The following ZNF479 variants were observed in gnomAD, a reference collection of about 807,000 sequenced individuals.
ZNF479 encodes the protein zinc finger protein 479, also known as KRAB zinc finger protein KR19.
ZNF479 carries 15 observed loss-of-function variants against 14.7 expected under a neutral mutation model. The ratio of observed to expected loss-of-function variants is 1.02; its 90% CI spans 0.68 to 1.57. ZNF479 has a LOEUF of 1.57. Among genes scored for constraint, ZNF479 ranks in the 40% most tolerant of loss-of-function variants. ZNF479 has a pLI of 0.00. For synonymous variants in ZNF479, 145 were observed against 211.5 expected (o/e 0.69, Z 2.73); for missense variants, 506 against 615.1 (o/e 0.82, Z 1.88).
At chr7:57,127,947 T>A (rs1240590072) in intron 1 of ZNF479, among the ~76,000 whole-genome samples, 7 of 149,196 alleles carry the variant, frequency 4.7e-5, no homozygotes, top group African/African-American at 1.7e-4. Flanking sequence ...ATTTTTTTTT[T>A]TTTTTTGAGA....
chr7:57,137,943 T>C (rs1786719232), intron 1 of ZNF479, among the ~76,000 whole-genome samples: 1 of 152,168 alleles, frequency 6.6e-6, no homozygotes, highest in South Asian at 2.1e-4. Flanking sequence ...GGAGGAATGG[T>C]TACATATCAC....
In ZNF479 at chr7:57,117,684, A is replaced by T. The variant is rs1323634848; in HGVS notation, c.*2156T>A. On this transcript the variant is annotated 3_prime_UTR_variant, in exon 4 of 4. Coordinates refer to ENST00000319636, the MANE Select transcript of ZNF479 (RefSeq NM_001370129.2). ...TAAGTTGACACATAATCTTTAAAAAATTTTTAAATTTATTGCATTTTATTA... is the reference window on the plus strand; with the variant it reads ...TAAGTTGACACATAATCTTTAAAAATTTTTTAAATTTATTGCATTTTATTA... Among the ~76,000 whole-genome samples, 4 of 152,382 alleles carry T rather than the reference A, an allele frequency of 2.6e-5. No homozygotes were observed. Among genetic ancestry groups the T allele is most frequent in the African/African-American group, 7.2e-5 (3 of 41,600 alleles).
intron 1 of ZNF479, 33 bp downstream of exon 1, chr7:57,132,253 C>T: frequency 1.9e-6 from 3 of 1,613,950 alleles, no homozygotes; most frequent in Non-Finnish European, 2.5e-6. Context: ...TCAGCCCCCA[C>T]CCCTCTCTCA....
intron 2 of ZNF479, 51 bp downstream of exon 2, chr7:57,126,541 A>T: frequency 6.4e-7 from 1 of 1,554,670 alleles, no homozygotes; most frequent in Non-Finnish European, 8.7e-7. Context: ...AAAACATCTT[A>T]GAAAAGAGAA....
intron 3 of ZNF479, among the ~76,000 whole-genome samples, chr7:57,122,116 G>A (rs1478064155): frequency 6.6e-6 from 1 of 152,050 alleles, no homozygotes; most frequent in East Asian, 1.9e-4. Context: ...AGTTTCAAAA[G>A]TCACAAACCA....
At chr7:57,122,099 T>G (rs1166943660) in intron 3 of ZNF479, among the ~76,000 whole-genome samples, 2 of 151,988 alleles carry the variant, frequency 1.3e-5, no homozygotes, top group African/African-American at 4.8e-5. Flanking sequence ...AACACAAATT[T>G]AAGCAAAGTT....
At chr7:57,129,910 T>G (rs1214302195) in intron 1 of ZNF479, among the ~76,000 whole-genome samples, 2 of 152,104 alleles carry the variant, frequency 1.3e-5, no homozygotes, top group Admixed American at 6.5e-5. Flanking sequence ...ATAATGAAAT[T>G]AAGGCAGAAA....
In ZNF479 at chr7:57,120,800, T is replaced by G. The variant is rs781946039; in HGVS notation, c.615A>C (p.Val205=). 3.2e-5 allele frequency: 52 copies of G among 1,612,268 alleles called. No homozygotes were observed. The highest frequency in any genetic ancestry group is 4.2e-5 in the Non-Finnish European group (50 of 1,179,060). ...CMLSHLNQHQ[V]IHTREKSYKC... The stretch of plus-strand genomic sequence containing the variant: ...TGTAGGACTTCTCCCTAGTATGAAT[T>G]ACCTGATGTTGATTTAGGTGTGAAA... The change falls in exon 4 of 4, where the codon GTA becomes GTC. Residue 205 remains valine (V), a synonymous_variant. Coordinates refer to ENST00000319636, the MANE Select transcript of ZNF479 (RefSeq NM_001370129.2).
chr7:57,138,067 C>T (rs1373676024), intron 1 of ZNF479, among the ~76,000 whole-genome samples: 1 of 152,106 alleles, frequency 6.6e-6, no homozygotes, highest in African/African-American at 2.4e-5. Context: ...ATTGACAGGA[C>T]CCTGCCCATA....
chr7:57,128,318 G>A (rs1372596189), intron 1 of ZNF479, among the ~76,000 whole-genome samples: 1 of 152,160 alleles, frequency 6.6e-6, no homozygotes, highest in East Asian at 1.9e-4. Flanking sequence ...ATTTTTATCA[G>A]TAATTTTAAG....
At chr7:57,138,375 A>G (rs939419106) in intron 1 of ZNF479, among the ~76,000 whole-genome samples, 2 of 152,236 alleles carry the variant, frequency 1.3e-5, no homozygotes, top group African/African-American at 4.8e-5. Context: ...GCACCGAGGT[A>G]AAATTGTGAA....
Position 57,139,143 on chromosome 7 carries a change from C to T in ZNF479, c.-15+465G>A, listed in dbSNP as rs112081650. 8.6e-3 allele frequency among the ~76,000 whole-genome samples: 1,316 copies of T among 152,308 alleles called. 29 individuals carry two copies. The highest frequency in any genetic ancestry group is 0.03 in the African/African-American group (1,264 of 41,562). On this transcript the variant is annotated intron_variant, in intron 1 of 4. Coordinates refer to the ZNF479 transcript ENST00000331162. ...CAGTGTCATAACAGGGAGCAGCAAA[C>T]AGGTGAGATTGTGACTCTCATATGC... is the stretch of plus-strand genomic sequence containing the variant.
chr7:57,130,409 G>A lies in ZNF479; in HGVS notation c.39+1877C>T, dbSNP rs147750920. The stretch of plus-strand genomic sequence containing the variant: ...AATTGCTTGAAACTGGAAGGCAGAG[G>A]TTGCAGTGAGCTGAGACCGCACCAC... On this transcript the variant is annotated intron_variant, in intron 1 of 3. Coordinates refer to ENST00000319636, the MANE Select transcript of ZNF479 (RefSeq NM_001370129.2). Among the ~76,000 whole-genome samples the A allele has an allele frequency of 8.9e-3, 1,353 of 152,106 alleles. 29 individuals are homozygous for A. Among genetic ancestry groups the A allele is most frequent in the African/African-American group, 0.031 (1,297 of 41,474 alleles).
chr7:57,125,806 A>C (rs577823311), intron 3 of ZNF479, among the ~76,000 whole-genome samples: 21 of 152,318 alleles, frequency 1.4e-4, no homozygotes, highest in Non-Finnish European at 2.8e-4. Context: ...ACTTGAAGAA[A>C]GATTATTGAA....
chr7:57,137,946 C>G (rs1225385898), intron 1 of ZNF479, among the ~76,000 whole-genome samples: 1 of 152,178 alleles, frequency 6.6e-6, no homozygotes, highest in Non-Finnish European at 1.5e-5. Context: ...GGAATGGTTA[C>G]ATATCACTAG....
chr7:57,132,964 C>T (rs1314986769), upstream of ZNF479, among the ~76,000 whole-genome samples: 16 of 152,036 alleles, frequency 1.1e-4, no homozygotes, highest in African/African-American at 3.4e-4. Context: ...CGTGAAACCC[C>T]GTCTCTACTA....
At chr7:57,126,400 A>G (rs1389315778) in intron 2 of ZNF479, among the ~76,000 whole-genome samples, 192 bp downstream of exon 2, 2 of 151,016 alleles carry the variant, frequency 1.3e-5, no homozygotes, top group Non-Finnish European at 3.0e-5. Flanking sequence ...CAAAAGATAC[A>G]TAAGCTCAGG....
Position 57,126,604 on chromosome 7 carries a change from G to A in ZNF479, c.154C>T (p.Leu52=), listed in dbSNP as rs547142284. ...AAGTTATCCTCACCCAGGGAGACCA[G>A]GTTTCTGTAGTTCTCTAACATCACA... ...RDVMLENYRN[L]VSLGIAVSKP... is the part of the protein sequence containing the mutation. The change falls in exon 2 of 4, where the codon CTG becomes TTG. Residue 52 remains leucine, a synonymous_variant. Coordinates refer to ENST00000319636, the MANE Select transcript of ZNF479 (RefSeq NM_001370129.2). The A allele has an allele frequency of 6.2e-7, 1 of 1,613,426 alleles. No individual in the cohort carries two copies. The highest frequency in any genetic ancestry group is 1.3e-5 in the African/African-American group (1 of 74,994).
Position 57,120,570 on chromosome 7 carries a change from G to A in ZNF479, c.845C>T (p.Ser282Leu), listed in dbSNP as rs367855604. The A allele has an allele frequency of 3.9e-4, 628 of 1,612,292 alleles. No homozygotes were observed. The African/African-American group carries it at 7.0e-3, about 18-fold the overall frequency. Residue 282 changes from serine (S) to leucine (L), a missense_variant, in exon 4 of 4, where the codon TCA becomes TTA. By Grantham distance (145) the Ser-to-Leu change is moderately radical. This residue lies in a region of ZNF479 where 420 missense variants were observed against 474.2 expected (regional missense o/e 0.89). Transcript: ENST00000319636. ...AATTCTCTTGTGGTTAGTAAGTGCT[G>A]AGGAGCGCCTAAAGGCTTGGCCACA... is the stretch of plus-strand genomic sequence containing the variant. The part of the protein sequence containing the change: ...EECGQAFRRS[S>L]ALTNHKRIHT...
Sources: gnomAD v4.1 joint callset for allele counts (sites outside exome capture counted in the v4.1 genomes callset) on GRCh38, gnomAD v4.1.1 for gene constraint, gnomAD v4.1.1 regional missense constraint, MANE v1.5 for transcripts, NCBI Gene and HGNC (gene_info 2026-07-23, HGNC 2026-07-21) for gene names.